NEDD4L: variants seen among roughly 807,000 people sequenced by gnomAD.
The protein encoded by NEDD4L is NEDD4 like E3 ubiquitin protein ligase, also known as E3 ubiquitin-protein ligase NEDD4-like.
In NEDD4L, 54 loss-of-function variants were observed where a neutral mutation model predicts 148.9. The observed-to-expected ratio is 0.36, with a 90% CI of 0.29 to 0.45. The LOEUF (loss-of-function observed/expected upper bound fraction) is 0.45. Ranked by LOEUF, NEDD4L falls within the 20% of genes least tolerant of loss-of-function variation. NEDD4L has a pLI of 1.00. For synonymous variants in NEDD4L, 433 were observed against 440.7 expected (o/e 0.98, Z 0.22); for missense variants, 856 against 1,233.8 (o/e 0.69, Z 4.59).
rs545427978 is a variant in NEDD4L, at chr18:58,340,999, T to G, written c.1126-39T>G. ...TTTATTAAACTGATCAGAAAACAAA[T>G]GCAAGGTATTAAATAATAATGATTT... On this transcript the variant is annotated intron_variant, in intron 13 of 30. Transcript: ENST00000400345. 4 of 1,580,540 alleles carry G rather than the reference T, an allele frequency of 2.5e-6. No individual in the cohort carries two copies. In the South Asian group the frequency reaches 4.8e-5, roughly 19 times the overall value.
chr18:58,389,182 G>C lies in NEDD4L; in HGVS notation c.2645G>C (p.Trp882Ser), dbSNP rs769594334. 46 of 1,612,660 alleles carry C rather than the reference G, an allele frequency of 2.9e-5. 1 individual carries two copies. The South Asian group carries it at 4.6e-4, about 16-fold the overall frequency. The part of the protein sequence containing the change: ...GYCPNHPVIQ[W>S]FWKAVLLMDA... ...TGCCCAAACCACCCCGTCATTCAGT[G>C]GTTCTGGAAGGTAACTCCGGGGCCC... The change falls in exon 28 of 31, where the codon TGG (tryptophan) becomes TCG (serine). Residue 882 changes from tryptophan (W) to serine (S), a missense_variant. Physicochemically the swap from Trp to Ser is radical, Grantham distance 177. Around this residue, in one of 4 missense-constraint regions of NEDD4L, gnomAD observed 286 missense variants for 531.8 expected, o/e 0.54. Coordinates refer to ENST00000400345, the MANE Select transcript of NEDD4L (RefSeq NM_001144967.3).
chr18:58,147,417 C>G (rs1454100292), intron 1 of NEDD4L, among the ~76,000 whole-genome samples: 2 of 152,118 alleles, frequency 1.3e-5, no homozygotes, highest in African/African-American at 4.8e-5. Context: ...AGAATCACCC[C>G]CTCCCCGAAT....
intron 10 of NEDD4L, 96 bp downstream of exon 10, chr18:58,329,223 T>C (rs989731265): frequency 3.0e-6 from 4 of 1,337,698 alleles, no homozygotes; most frequent in African/African-American, 1.5e-5. Flanking sequence ...TCAGTAAACA[T>C]TGTTGAGAAT....
At chr18:58,284,941 C>G (rs1299582564) in intron 5 of NEDD4L, among the ~76,000 whole-genome samples, 3 of 152,136 alleles carry the variant, frequency 2.0e-5, no homozygotes, top group Admixed American at 6.5e-5. Flanking sequence ...GTTTGTGGCT[C>G]TCATGGGGCA....
At chr18:58,131,730 T>A (rs1348034205) in intron 1 of NEDD4L, among the ~76,000 whole-genome samples, 1 of 152,166 alleles carries the variant, frequency 6.6e-6, no homozygotes, top group Non-Finnish European at 1.5e-5. Flanking sequence ...GGGGTTTGGT[T>A]GTGATCTAGT....
In NEDD4L at chr18:58,398,097, C is replaced by T. The variant is rs2050606697; in HGVS notation, c.*1828C>T. The stretch of plus-strand genomic sequence containing the variant: ...TTTCTACAGAGCTGAGTGTTGGTTC[C>T]TTTTTCTTATTGGTTGAAAATTACC... On this transcript the variant is annotated 3_prime_UTR_variant, in exon 31 of 31. Coordinates refer to ENST00000400345, the MANE Select transcript of NEDD4L (RefSeq NM_001144967.3). 1 of 130,786 alleles carries T rather than the reference C, an allele frequency of 7.6e-6. No homozygotes were observed. Among genetic ancestry groups the T allele is most frequent in the African/African-American group, 2.9e-5 (1 of 34,680 alleles). 8.1% of individuals were successfully genotyped at this position (130,786 alleles called of 1,614,324 possible). A position where few individuals can be genotyped will look rare whatever the true frequency, so the allele number is the denominator to read the frequency against.
chr18:58,104,050 T>C (rs59143412), intron 1 of NEDD4L, among the ~76,000 whole-genome samples: 1 of 152,326 alleles, frequency 6.6e-6, no homozygotes, highest in East Asian at 1.9e-4. Flanking sequence ...CAGTTATCCA[T>C]CAGTGGGTGA....
At chr18:58,118,962 T>A (rs1256505628) in intron 1 of NEDD4L, among the ~76,000 whole-genome samples, 3 of 137,422 alleles carry the variant, frequency 2.2e-5, no homozygotes, top group Admixed American at 1.5e-4. Context: ...CCTTTCTGGG[T>A]CTTGGATTTT....
intron 9 of NEDD4L, among the ~76,000 whole-genome samples, chr18:58,325,899 C>G (rs1181272339): frequency 6.6e-6 from 1 of 151,900 alleles, no homozygotes; most frequent in Non-Finnish European, 1.5e-5. Flanking sequence ...CATCGAAGGG[C>G]AAAAAGAAAG....
intron 2 of NEDD4L, among the ~76,000 whole-genome samples, chr18:58,208,497 C>A (rs1322273939): frequency 6.6e-6 from 1 of 152,104 alleles, no homozygotes; most frequent in East Asian, 1.9e-4. Context: ...TGATTTTATT[C>A]GAGTGTCATT....
chr18:58,107,185 T>A (rs1198316537), intron 1 of NEDD4L, among the ~76,000 whole-genome samples: 3 of 152,216 alleles, frequency 2.0e-5, no homozygotes, highest in Non-Finnish European at 4.4e-5. Context: ...GACCTCATCT[T>A]AACTTATTTA....
At chr18:58,294,597 C>A (rs1279763514) in intron 5 of NEDD4L, among the ~76,000 whole-genome samples, 1 of 141,510 alleles carries the variant, frequency 7.1e-6, no homozygotes, top group East Asian at 2.0e-4. Flanking sequence ...GTTAAACTCC[C>A]AGACCATGTT....
chr18:58,192,336 T>A (rs562498706), intron 2 of NEDD4L, among the ~76,000 whole-genome samples: 7 of 152,340 alleles, frequency 4.6e-5, no homozygotes, highest in African/African-American at 1.7e-4. Context: ...TGAGGCACTA[T>A]TGACTGTGTG....
intron 1 of NEDD4L, among the ~76,000 whole-genome samples, chr18:58,053,949 T>C (rs2081988486): frequency 6.6e-6 from 1 of 152,242 alleles, no homozygotes; most frequent in Non-Finnish European, 1.5e-5. Flanking sequence ...AAGTGAGTGT[T>C]GGATGTCACT....
intron 2 of NEDD4L, among the ~76,000 whole-genome samples, chr18:58,187,009 T>G (rs572605247): frequency 6.6e-6 from 1 of 152,350 alleles, no homozygotes; most frequent in African/African-American, 2.4e-5. Context: ...CAGGCATGTC[T>G]TCACGCAGGA....
At chr18:58,314,640 T>A (rs2149396776) in intron 5 of NEDD4L, 1 of 152,336 alleles carries the variant, frequency 6.6e-6, no homozygotes, top group Non-Finnish European at 1.5e-5. Context: ...CTATGCTAGA[T>A]GAGGCGTCTC....
chr18:58,198,857 T>G (rs2041051497), intron 2 of NEDD4L, among the ~76,000 whole-genome samples: 2 of 152,202 alleles, frequency 1.3e-5, no homozygotes, highest in African/African-American at 2.4e-5. Flanking sequence ...AGGTCTGGAG[T>G]GCAGTGGCGC....
At chr18:58,246,836 T>A (rs951468245) in intron 3 of NEDD4L, among the ~76,000 whole-genome samples, 7 of 152,126 alleles carry the variant, frequency 4.6e-5, no homozygotes, top group African/African-American at 1.7e-4. Flanking sequence ...TGTAAATATT[T>A]TTTACCCTAT....
chr18:58,284,312 A>G (rs896158704), intron 5 of NEDD4L, among the ~76,000 whole-genome samples: 1 of 152,206 alleles, frequency 6.6e-6, no homozygotes, highest in African/African-American at 2.4e-5. Flanking sequence ...ATGATGTCTA[A>G]TGCTGATTGC....
Sources: gnomAD v4.1 joint callset for allele counts (sites outside exome capture counted in the v4.1 genomes callset) on GRCh38, gnomAD v4.1.1 for gene constraint, gnomAD v4.1.1 regional missense constraint, MANE v1.5 for transcripts, NCBI Gene and HGNC (gene_info 2026-07-23, HGNC 2026-07-21) for gene names.